GPD2: variants seen among roughly 807,000 people sequenced by gnomAD.
The protein encoded by GPD2 is glycerol-3-phosphate dehydrogenase, mitochondrial.
Under a neutral mutation model 82.4 loss-of-function variants are expected in GPD2, and 54 were observed. The ratio of observed to expected loss-of-function variants is 0.66; its 90% CI spans 0.53 to 0.82. The LOEUF is 0.82. GPD2 is among the 40% of genes least tolerant of loss of function. The probability of loss-of-function intolerance (pLI) is 0.00; values close to 1 mark genes in which losing one functional copy is unlikely to be tolerated. For synonymous variants in GPD2, 288 were observed against 306.1 expected (o/e 0.94, Z 0.62); for missense variants, 748 against 896.2 (o/e 0.83, Z 2.11).
chr2:156,563,470 C>T (rs1001867598), intron 9 of GPD2, among the ~76,000 whole-genome samples: 2 of 152,054 alleles, frequency 1.3e-5, no homozygotes, highest in Non-Finnish European at 2.9e-5. Context: ...GGGTGATGGT[C>T]ATTTATTAAT....
intron 1 of GPD2, among the ~76,000 whole-genome samples, chr2:156,475,729 G>A (rs576577238): frequency 7.0e-4 from 107 of 152,322 alleles, no homozygotes; most frequent in African/African-American, 2.4e-3. Context: ...CTTGAGGAGA[G>A]GATTAGGTGT....
intron 9 of GPD2, among the ~76,000 whole-genome samples, chr2:156,562,571 A>G (rs1475452445): frequency 1.2e-5 from 1 of 85,708 alleles, no homozygotes; most frequent in Non-Finnish European, 2.6e-5. Flanking sequence ...AAAGTGGCAA[A>G]CATGAAAAAA....
Position 156,476,092 on chromosome 2 carries a change from T to G in GPD2, c.-8-6T>G. 2 of 1,467,150 alleles carry G rather than the reference T, an allele frequency of 1.4e-6. No individual in the cohort carries two copies. Among genetic ancestry groups the G allele is most frequent in the Non-Finnish European group, 1.9e-6 (2 of 1,046,358 alleles). 90.9% of individuals were successfully genotyped at this position (1,467,150 alleles called of 1,614,324 possible). Reference sequence around the variant, plus strand: ...ACTTCTTTTTGTTTCTTATTTTTCTTTGTAGGCTAAGAAATGGCATTTCAA... The same window carrying G: ...ACTTCTTTTTGTTTCTTATTTTTCTGTGTAGGCTAAGAAATGGCATTTCAA... On this transcript the variant is annotated splice_region_variant and splice_polypyrimidine_tract_variant and intron_variant, in intron 1 of 16. Coordinates refer to ENST00000438166, the MANE Select transcript of GPD2 (RefSeq NM_000408.5).
At chr2:156,428,409 A>G in the GPD2 span, among the ~76,000 whole-genome samples, 1 of 152,236 alleles carries the variant, frequency 6.6e-6, no homozygotes, top group Non-Finnish European at 1.5e-5. Flanking sequence ...TTTCAATACT[A>G]TAAGAGGACC....
intron 3 of GPD2, among the ~76,000 whole-genome samples, chr2:156,505,074 TGTC>T (rs1684735403): frequency 1.3e-5 from 2 of 152,182 alleles, no homozygotes; most frequent in South Asian, 4.1e-4. Flanking sequence ...GAAAGTTAAA[TGTC>T]GTACCATTTT....
chr2:156,452,172 A>G (rs1450620030), intron 1 of GPD2, among the ~76,000 whole-genome samples: 1 of 152,160 alleles, frequency 6.6e-6, no homozygotes, highest in Non-Finnish European at 1.5e-5. Flanking sequence ...CAGAGGCTGC[A>G]CTCCTGGCAC....
intron 2 of GPD2, among the ~76,000 whole-genome samples, chr2:156,486,365 G>A (rs1315477117): frequency 1.3e-5 from 2 of 152,240 alleles, no homozygotes; most frequent in South Asian, 2.1e-4. Flanking sequence ...AGGTCACTCA[G>A]TGAGTCAACG....
chr2:156,485,180 A>G lies in GPD2; in HGVS notation c.102+8973A>G, dbSNP rs562249804. On this transcript the variant is annotated intron_variant, in intron 2 of 16. Transcript: ENST00000438166. ...TCATCCATCTGTTTAGGTTGTTTCCATATCTTGGCTGTTGTGAATACATTC... is the reference window on the plus strand; with the variant it reads ...TCATCCATCTGTTTAGGTTGTTTCCGTATCTTGGCTGTTGTGAATACATTC... Among the ~76,000 whole-genome samples, 21 of 152,290 alleles carry G rather than the reference A, an allele frequency of 1.4e-4. No individual in the cohort carries two copies. The South Asian group carries it at 3.9e-3, about 29-fold the overall frequency.
chr2:156,498,065 C>G (rs1426479067), intron 3 of GPD2, among the ~76,000 whole-genome samples: 1 of 152,144 alleles, frequency 6.6e-6, no homozygotes, highest in African/African-American at 2.4e-5. Flanking sequence ...TTTTGTATAT[C>G]AAAGAGGATC....
intron 2 of GPD2, among the ~76,000 whole-genome samples, chr2:156,487,557 T>G (rs1488191317): frequency 6.6e-6 from 1 of 152,162 alleles, no homozygotes; most frequent in African/African-American, 2.4e-5. Flanking sequence ...GGGATCAAAT[T>G]TTGATTCTTC....
intron 4 of GPD2, among the ~76,000 whole-genome samples, chr2:156,511,421 A>G (rs1684993373): frequency 6.6e-6 from 1 of 152,246 alleles, no homozygotes; most frequent in Admixed American, 6.5e-5. Context: ...CTGCCAAGGC[A>G]GTGTGGAAGA....
intron 1 of GPD2, among the ~76,000 whole-genome samples, chr2:156,474,780 G>A (rs1683446794): frequency 6.6e-6 from 1 of 152,108 alleles, no homozygotes; most frequent in South Asian, 2.1e-4. Flanking sequence ...ACAAGTGAGA[G>A]GAAAGAAAGT....
chr2:156,520,124 T>C (rs1433084678), intron 6 of GPD2, among the ~76,000 whole-genome samples: 1 of 152,212 alleles, frequency 6.6e-6, no homozygotes, highest in Non-Finnish European at 1.5e-5. Flanking sequence ...AGCTGCCTCT[T>C]CTTTTCTCTC....
chr2:156,571,562 C>A, intron 13 of GPD2, among the ~76,000 whole-genome samples: 1 of 152,056 alleles, frequency 6.6e-6, no homozygotes, highest in East Asian at 1.9e-4. Flanking sequence ...TAGTATGGAA[C>A]CTTTTCTGGT....
rs1685687394 is a variant in GPD2 at position 156,528,262 on chromosome 2, A to G, written c.661+14766A>G. ...GTCTATTATATAAAGCCAGATTGAT[A>G]TGTGTATTTTTGCCTTTTTCCTCTG... On this transcript the variant is annotated intron_variant, in intron 6 of 16. Transcript: ENST00000438166. 2.6e-5 allele frequency among the ~76,000 whole-genome samples: 4 copies of G among 152,108 alleles called. No homozygotes were observed. The South Asian group carries it at 8.3e-4, about 32-fold the overall frequency.
rs759745404 is a variant in GPD2 at position 156,557,623 on chromosome 2, A to G, written c.1165+41A>G. On this transcript the variant is annotated intron_variant, in intron 9 of 16. Coordinates refer to ENST00000438166, the MANE Select transcript of GPD2 (RefSeq NM_000408.5). ...TTTAAGTTTGTCTCTCTGTGTCCAT[A>G]TCTCCCAAGCCATTCCAGCTCTCAC... is the stretch of plus-strand genomic sequence containing the variant. 4 of 1,090,494 alleles carry G rather than the reference A, an allele frequency of 3.7e-6. No individual in the cohort carries two copies. The East Asian group carries it at 9.4e-5, about 26-fold the overall frequency. The allele number at this position is 1,090,494 out of a possible 1,614,324, so 67.6% of individuals were successfully genotyped here. A position where few individuals can be genotyped will look rare whatever the true frequency, so the allele number is the denominator to read the frequency against.
intron 3 of GPD2, among the ~76,000 whole-genome samples, chr2:156,507,574 G>A (rs185579880): frequency 1.3e-5 from 2 of 152,034 alleles, no homozygotes; most frequent in East Asian, 1.9e-4. Flanking sequence ...TCATCCTCCC[G>A]CCTTGGCTTC....
intron 7 of GPD2, 44 bp downstream of exon 7, chr2:156,549,816 C>T (rs560002629): frequency 7.2e-7 from 1 of 1,389,984 alleles, no homozygotes; most frequent in Non-Finnish European, 1.0e-6. Flanking sequence ...AGTATCTTGC[C>T]TAGCTTATAT....
chr2:156,479,431 A>C (rs1330417674), intron 2 of GPD2, among the ~76,000 whole-genome samples: 3 of 152,182 alleles, frequency 2.0e-5, no homozygotes, highest in African/African-American at 7.2e-5. Flanking sequence ...TTCTTCATAC[A>C]AGCATATTAA....
Sources: gnomAD v4.1 joint callset for allele counts (sites outside exome capture counted in the v4.1 genomes callset) on GRCh38, gnomAD v4.1.1 for gene constraint, MANE v1.5 for transcripts, NCBI Gene and HGNC (gene_info 2026-07-23, HGNC 2026-07-21) for gene names.